The following BTBD9 variants were observed in gnomAD, a reference collection of about 807,000 sequenced individuals.
BTBD9 encodes the protein BTB domain containing 9.
A neutral mutation model predicts 64.3 loss-of-function variants in BTBD9; 49 were observed. The observed-to-expected ratio is 0.76, with a 90% CI of 0.61 to 0.97. The LOEUF is 0.97. BTBD9 is among the 50% of genes least tolerant of loss of function. The pLI is 0.00. For missense variants in BTBD9, 598 were observed against 762.1 expected (o/e 0.78, Z 2.53); for synonymous variants, 260 against 274.7 (o/e 0.95, Z 0.53).
At chr6:38,347,473 TAA>T (rs1286075804) in intron 6 of BTBD9, among the ~76,000 whole-genome samples, 2 of 152,314 alleles carry the variant, frequency 1.3e-5, no homozygotes, top group East Asian at 1.9e-4. Flanking sequence ...TCTACAATGC[TAA>T]GTTTCTAGAA....
chr6:38,235,767 A>G (rs994140252), intron 9 of BTBD9, among the ~76,000 whole-genome samples: 1 of 152,222 alleles, frequency 6.6e-6, no homozygotes, highest in African/African-American at 2.4e-5. Context: ...AAAGGTTTTC[A>G]TATGTGAGTA....
chr6:38,586,094 A>T (rs531151385), intron 4 of BTBD9, among the ~76,000 whole-genome samples: 117 of 152,280 alleles, frequency 7.7e-4, no homozygotes, highest in African/African-American at 2.6e-3. Flanking sequence ...TACTATAAAC[A>T]TTCAGAAACA....
intron 7 of BTBD9, among the ~76,000 whole-genome samples, chr6:38,325,566 T>C (rs1363568113): frequency 6.6e-6 from 1 of 152,066 alleles, no homozygotes; most frequent in African/African-American, 2.4e-5. Context: ...GCGCCTGTAG[T>C]CTCAGCTACT....
chr6:38,326,447 G>A (rs75598160), intron 7 of BTBD9, among the ~76,000 whole-genome samples: 3,542 of 152,188 alleles, frequency 0.023, 131 homozygotes, highest in African/African-American at 0.081. Flanking sequence ...ATAAGACAAC[G>A]CTGGGGGGAG....
At chr6:38,326,446 C>G (rs79397090) in intron 7 of BTBD9, among the ~76,000 whole-genome samples, 3,492 of 152,048 alleles carry the variant, frequency 0.023, 129 homozygotes, top group African/African-American at 0.08. Flanking sequence ...GATAAGACAA[C>G]GCTGGGGGGA....
intron 7 of BTBD9, among the ~76,000 whole-genome samples, chr6:38,291,285 GCTCT>G (rs971969544): frequency 6.6e-6 from 1 of 152,042 alleles, no homozygotes; most frequent in African/African-American, 2.4e-5. Context: ...TCATGATTTG[GCTCT>G]CTGTTTATCT....
chr6:38,236,721 T>C (rs1582093904), intron 9 of BTBD9, among the ~76,000 whole-genome samples: 1 of 152,150 alleles, frequency 6.6e-6, no homozygotes. Flanking sequence ...CTGCAGCAAA[T>C]GGATTGTTCT....
chr6:38,471,842 A>G (rs772408257), intron 6 of BTBD9, among the ~76,000 whole-genome samples: 1 of 152,188 alleles, frequency 6.6e-6, no homozygotes, highest in African/African-American at 2.4e-5. Context: ...AGAAGATCCA[A>G]CTTATGTTAT....
At chr6:38,577,520 G>T in intron 6 of BTBD9, 80 bp downstream of exon 6, 1 of 1,393,876 alleles carries the variant, frequency 7.2e-7, no homozygotes, top group Non-Finnish European at 9.7e-7. Context: ...TTTTCAAGAT[G>T]AAAAATGCAG....
chr6:38,419,194 G>A (rs1235508385), intron 6 of BTBD9, among the ~76,000 whole-genome samples: 1 of 152,164 alleles, frequency 6.6e-6, no homozygotes, highest in Admixed American at 6.5e-5. Context: ...CATGTATTTT[G>A]TAACTTTTCT....
At chr6:38,185,178 A>C (rs9462403) in intron 10 of BTBD9, among the ~76,000 whole-genome samples, 16,486 of 151,924 alleles carry the variant, frequency 0.11, 1,012 homozygotes, top group African/African-American at 0.14. Flanking sequence ...CTCCTCCTTC[A>C]GGGCTGGCTG....
At chr6:38,588,604 G>C in intron 4 of BTBD9, 1 of 305,402 alleles carries the variant, frequency 3.3e-6, no homozygotes, top group East Asian at 6.8e-5. Flanking sequence ...GTTTTAATCT[G>C]TAATGAAGTT....
At chr6:38,368,858 T>C (rs1765299054) in intron 6 of BTBD9, among the ~76,000 whole-genome samples, 1 of 152,138 alleles carries the variant, frequency 6.6e-6, no homozygotes, top group Admixed American at 6.5e-5. Context: ...TATTCTTCAA[T>C]CACAATTCAC....
chr6:38,561,421 C>CA (rs1198034085), intron 6 of BTBD9, among the ~76,000 whole-genome samples: 2 of 152,018 alleles, frequency 1.3e-5, no homozygotes, highest in African/African-American at 4.8e-5. Context: ...AACTACCATT[C>CA]AATCCAGGAA....
intron 6 of BTBD9, among the ~76,000 whole-genome samples, chr6:38,368,538 T>C (rs957508619): frequency 1.6e-4 from 24 of 152,148 alleles, no homozygotes; most frequent in African/African-American, 5.3e-4. Flanking sequence ...TTTCACCACA[T>C]TGGCCGGGGT....
intron 9 of BTBD9, among the ~76,000 whole-genome samples, chr6:38,253,321 T>C (rs1764465828): frequency 6.6e-6 from 1 of 152,204 alleles, no homozygotes; most frequent in Admixed American, 6.5e-5. Context: ...CAAGCACCTT[T>C]TTCAGAAGGC....
intron 7 of BTBD9, among the ~76,000 whole-genome samples, chr6:38,317,054 G>C (rs893746168): frequency 5.3e-5 from 8 of 152,088 alleles, no homozygotes; most frequent in African/African-American, 1.7e-4. Flanking sequence ...GGAGTGCAAT[G>C]GTGTGATCTC....
intron 6 of BTBD9, among the ~76,000 whole-genome samples, chr6:38,545,649 G>A (rs1774499781): frequency 6.6e-6 from 1 of 151,300 alleles, no homozygotes; most frequent in Non-Finnish European, 1.5e-5. Context: ...CGTGGTGGCG[G>A]GCACCTGTAG....
chr6:38,511,840 C>T (rs1043334804), intron 6 of BTBD9, among the ~76,000 whole-genome samples: 8 of 152,000 alleles, frequency 5.3e-5, no homozygotes, highest in Middle Eastern at 3.2e-3. Flanking sequence ...AAACATAAGG[C>T]GCAGTTCTGG....
Sources: gnomAD v4.1 joint callset for allele counts (sites outside exome capture counted in the v4.1 genomes callset) on GRCh38, gnomAD v4.1.1 for gene constraint, MANE v1.5 for transcripts, NCBI Gene and HGNC (gene_info 2026-07-23, HGNC 2026-07-21) for gene names.